Variants in RDH12 observed in about 807,000 individuals in gnomAD.
RDH12 encodes retinol dehydrogenase 12.
RDH12 carries 21 observed loss-of-function variants against 34.0 expected under a neutral mutation model. The ratio of observed to expected loss-of-function variants is 0.62; its 90% CI spans 0.44 to 0.89. The LOEUF is 0.89. RDH12 is among the 40% of genes least tolerant of loss of function. The pLI, the probability that RDH12 is intolerant of heterozygous loss-of-function variation, is 0.00. For missense variants in RDH12, 394 were observed against 398.6 expected (o/e 0.99, Z 0.10); for synonymous variants, 198 against 169.9 (o/e 1.17, Z -1.29).
At chr14:67,719,943 T>C (rs572269372) in intron 1 of RDH12, among the ~76,000 whole-genome samples, 3 of 152,348 alleles carry the variant, frequency 2.0e-5, no homozygotes, top group Admixed American at 2.0e-4. Context: ...GGTAACCTTA[T>C]AAATACATGG....
chr14:67,722,257 T>C (rs2038132083), intron 2 of RDH12, among the ~76,000 whole-genome samples, 167 bp from the exon 3 acceptor site: 1 of 152,202 alleles, frequency 6.6e-6, no homozygotes, highest in African/African-American at 2.4e-5. Context: ...ATTCTATATA[T>C]TCCATCTTGC....
chr14:67,732,578 G>A (rs556812322), intron 8 of RDH12, among the ~76,000 whole-genome samples: 1 of 149,386 alleles, frequency 6.7e-6, no homozygotes, highest in East Asian at 2.0e-4. Context: ...CTAAATGATA[G>A]ACTTTTCTTT....
At chr14:67,732,982 G>T (rs903473408) in intron 8 of RDH12, among the ~76,000 whole-genome samples, 1 of 152,104 alleles carries the variant, frequency 6.6e-6, no homozygotes, top group Non-Finnish European at 1.5e-5. Context: ...AACATGGGGG[G>T]AGCGGGGAGG....
At chr14:67,721,636 A>C (rs188690193) in intron 2 of RDH12, among the ~76,000 whole-genome samples, 76 of 152,194 alleles carry the variant, frequency 5.0e-4, no homozygotes, top group African/African-American at 1.8e-3. Context: ...GGGAGATACG[A>C]ATCAGAACAG....
intron 1 of RDH12, among the ~76,000 whole-genome samples, chr14:67,716,619 C>A (rs2038071870): frequency 6.6e-6 from 1 of 152,058 alleles, no homozygotes; most frequent in Non-Finnish European, 1.5e-5. Flanking sequence ...TGTGGTGGCT[C>A]ACACTTGTAA....
At chr14:67,715,896 G>A (rs931547484) in intron 1 of RDH12, among the ~76,000 whole-genome samples, 1 of 152,188 alleles carries the variant, frequency 6.6e-6, no homozygotes, top group East Asian at 1.9e-4. Context: ...GAGCTGATGA[G>A]ATAAGAAGTT....
Position 67,724,539 on chromosome 14 carries a change from T to C in RDH12, c.135T>C (p.Thr45=), listed in dbSNP as rs748870084. ...TTCCTGGCAAGGTAGTGGTGATCAC[T>C]GGCGCCAACACGGGCATTGGCAAGG... ...VQLPGKVVVI[T]GANTGIGKET... The change falls in exon 4 of 9, where the codon ACT becomes ACC. Residue 45 remains threonine (T), a synonymous_variant. Transcript: ENST00000551171. 5.0e-6 allele frequency: 8 copies of C among 1,613,982 alleles called. No individual in the cohort carries two copies. The highest frequency in any genetic ancestry group is 6.8e-6 in the Non-Finnish European group (8 of 1,179,916).
At chr14:67,711,338 C>T (rs1483030205) in intron 1 of RDH12, among the ~76,000 whole-genome samples, 1 of 152,244 alleles carries the variant, frequency 6.6e-6, no homozygotes, top group East Asian at 1.9e-4. Flanking sequence ...TATGAAATTG[C>T]TTGATTAATA....
intron 1 of RDH12, among the ~76,000 whole-genome samples, chr14:67,716,362 C>A (rs1403113394): frequency 6.6e-6 from 1 of 151,990 alleles, no homozygotes; most frequent in Non-Finnish European, 1.5e-5. Context: ...TTAAGTTGGA[C>A]CTTAAACACA....
chr14:67,724,553 G>C lies in RDH12; in HGVS notation c.149G>C (p.Gly50Ala). The change falls in exon 4 of 9, where the codon GGC (glycine) becomes GCC (alanine). Residue 50 changes from glycine (G) to alanine (A), a missense_variant. By Grantham distance (60) the Gly-to-Ala change is moderately conservative (BLOSUM62 0). Coordinates refer to ENST00000551171, the MANE Select transcript of RDH12 (RefSeq NM_152443.3). ...KVVVITGANT[G>A]IGKETARELA... is the part of the protein sequence containing the mutation. The stretch of plus-strand genomic sequence containing the variant: ...GTGGTGATCACTGGCGCCAACACGG[G>C]CATTGGCAAGGAGACGGCCAGAGAG... 1 of 1,613,976 alleles carries C rather than the reference G, an allele frequency of 6.2e-7. No individual in the cohort carries two copies. Among genetic ancestry groups the C allele is most frequent in the Non-Finnish European group, 8.5e-7 (1 of 1,179,914 alleles).
intron 8 of RDH12, among the ~76,000 whole-genome samples, chr14:67,731,218 T>C (rs1457351809): frequency 1.8e-4 from 25 of 142,656 alleles, no homozygotes; most frequent in African/African-American, 6.2e-4. Flanking sequence ...TTTTTTTTTT[T>C]TTTTTTTTTT....
chr14:67,712,999 T>A (rs1313406483), intron 1 of RDH12, among the ~76,000 whole-genome samples: 1 of 152,096 alleles, frequency 6.6e-6, no homozygotes, highest in Non-Finnish European at 1.5e-5. Flanking sequence ...AATTTGGAAC[T>A]TTCCTTTGGA....
At position 67,733,486 on chromosome 14, in the gene RDH12, G is replaced by C. The variant is rs761512; in HGVS notation, c.849-260G>C. Reference sequence around the variant, plus strand: ...ATATCCTAGAATGTCACTTCTGCTCGCCACTACTTTGAAATCCTTTGATTA... The same window carrying C: ...ATATCCTAGAATGTCACTTCTGCTCCCCACTACTTTGAAATCCTTTGATTA... On this transcript the variant is annotated intron_variant, in intron 8 of 8. Coordinates refer to ENST00000551171, the MANE Select transcript of RDH12 (RefSeq NM_152443.3). Among the ~76,000 whole-genome samples, 79,304 of 151,854 alleles carry C rather than the reference G, an allele frequency of 0.52. 21,953 individuals are homozygous for C. The highest frequency in any genetic ancestry group is 0.63 in the Non-Finnish European group (42,600 of 67,944).
chr14:67,730,979 A>T (rs182900802), intron 8 of RDH12, among the ~76,000 whole-genome samples: 1 of 152,296 alleles, frequency 6.6e-6, no homozygotes, highest in East Asian at 1.9e-4. Flanking sequence ...TTATATTTTT[A>T]AATGAGATAA....
intron 1 of RDH12, among the ~76,000 whole-genome samples, chr14:67,710,360 CA>C (rs1255972738): frequency 6.6e-6 from 1 of 152,082 alleles, no homozygotes; most frequent in African/African-American, 2.4e-5. Flanking sequence ...CTAAGCAAAC[CA>C]AAACTTAATA....
intron 6 of RDH12, among the ~76,000 whole-genome samples, chr14:67,726,741 C>G (rs1156330347): frequency 6.6e-6 from 1 of 152,144 alleles, no homozygotes. Context: ...GCAGGTGGGT[C>G]AAGGGCAGAG....
rs1452061026 is a variant in RDH12, at chr14:67,729,277, C to G, written c.745C>G (p.Arg249Gly). ...CTCCTCCCTGCTCTGCCTGCTCTGG[C>G]GGCTCTTCTCCCCCTTTGTCAAGAC... ...RHSSLLCLLW[R>G]LFSPFVKTAR... is the part of the protein sequence containing the mutation. The change falls in exon 8 of 9, where the codon CGG becomes GGG. Residue 249 changes from arginine to glycine, a missense_variant. Coordinates refer to ENST00000551171, the MANE Select transcript of RDH12 (RefSeq NM_152443.3). 2 of 1,605,996 alleles carry G rather than the reference C, an allele frequency of 1.2e-6. No individual in the cohort carries two copies.
intron 1 of RDH12, among the ~76,000 whole-genome samples, chr14:67,718,573 C>T (rs550172989): frequency 3.9e-5 from 6 of 152,318 alleles, no homozygotes; most frequent in Admixed American, 6.5e-5. Flanking sequence ...GATTCACTCA[C>T]GGTGAGGCTA....
At chr14:67,722,400 T>C (rs1156773146) in intron 2 of RDH12, 24 bp from the exon 3 acceptor site, 2 of 591,476 alleles carry the variant, frequency 3.4e-6, no homozygotes, top group Non-Finnish European at 6.0e-6. Context: ...GCTTCAAACC[T>C]TGACTCCATC....
Sources: allele counts gnomAD v4.1 joint callset (sites outside exome capture counted in the v4.1 genomes callset), GRCh38; gene constraint gnomAD v4.1.1; transcripts MANE v1.5; gene names NCBI Gene and HGNC (gene_info 2026-07-23, HGNC 2026-07-21).